The following HOMER2 variants were observed in gnomAD, a reference collection of about 807,000 sequenced individuals.
The protein encoded by HOMER2 is homer protein homolog 2.
Under a neutral mutation model 47.0 loss-of-function variants are expected in HOMER2, and 27 were observed. That is an observed-to-expected ratio of 0.57 (90% CI 0.42 to 0.79). The LOEUF (loss-of-function observed/expected upper bound fraction) is 0.79, where lower values mean the gene tolerates loss of function less well. HOMER2 is among the 30% of genes least tolerant of loss of function. HOMER2 has a pLI of 0.00. For synonymous variants in HOMER2, 161 were observed against 163.8 expected, an observed-to-expected ratio of 0.98 and a Z score of 0.13; for missense variants, 443 against 435.0, an observed-to-expected ratio of 1.02 and a Z score of -0.16.
chr15:82,978,896 T>C (rs1020431512), intron 1 of HOMER2, among the ~76,000 whole-genome samples: 1 of 152,196 alleles, frequency 6.6e-6, no homozygotes, highest in African/African-American at 2.4e-5. Context: ...AATTTTTGTA[T>C]TTTTAGTAGA....
intron 2 of HOMER2, among the ~76,000 whole-genome samples, chr15:82,876,994 C>T (rs1178773366): frequency 6.6e-6 from 1 of 152,162 alleles, no homozygotes; most frequent in African/African-American, 2.4e-5. Flanking sequence ...CAAGAGAAAA[C>T]CTTAGCTTAG....
intron 1 of HOMER2, among the ~76,000 whole-genome samples, chr15:82,901,101 A>T (rs781754596): frequency 7.2e-5 from 11 of 152,134 alleles, no homozygotes; most frequent in Admixed American, 2.0e-4. Context: ...TGTGAGTTTG[A>T]CTAAGTTCTG....
At chr15:82,926,868 C>T (rs2053865874) in intron 1 of HOMER2, among the ~76,000 whole-genome samples, 1 of 152,080 alleles carries the variant, frequency 6.6e-6, no homozygotes, top group Non-Finnish European at 1.5e-5. Context: ...ACAAGCAAGA[C>T]CCTCCCCAAA....
chr15:82,981,557 G>T (rs1254230861), intron 1 of HOMER2, among the ~76,000 whole-genome samples: 1 of 152,198 alleles, frequency 6.6e-6, no homozygotes, highest in Non-Finnish European at 1.5e-5. Context: ...AGATATTTGT[G>T]TATCTATAAT....
rs779170515 is a variant in HOMER2, at chr15:82,913,798, G to T, written c.6-20957C>A. On this transcript the variant is annotated intron_variant, in intron 1 of 8. Coordinates refer to ENST00000450735, the MANE Select transcript of HOMER2 (RefSeq NM_004839.4). The surrounding 1 kb of genome is among the most constrained non-coding windows in gnomAD (Gnocchi z 4.1). ...TCTTTTCTGGTCATTTATTTAAAAC[G>T]TGTACAGGGCTGTGGAAAACTGGTG... Among the ~76,000 whole-genome samples the T allele has an allele frequency of 2.0e-5, 3 of 152,106 alleles. No individual in the cohort carries two copies. Among genetic ancestry groups the T allele is most frequent in the African/African-American group, 7.2e-5 (3 of 41,408 alleles).
rs1325657232 is a variant in HOMER2 at position 82,967,473 on chromosome 15, T to G, written n.83-8165A>C. ...GTGGGGAAGTGGGTCAGGGTATAAA[T>G]GGAGTTAGTGTGGCCATGAGTTGCT... On this transcript the variant is annotated intron_variant and non_coding_transcript_variant, in intron 1 of 1. Coordinates refer to the HOMER2 transcript ENST00000500334. 1.3e-5 allele frequency among the ~76,000 whole-genome samples: 2 copies of G among 152,064 alleles called. 1 individual carries two copies. Among genetic ancestry groups the G allele is most frequent in the African/African-American group, 4.8e-5 (2 of 41,384 alleles).
rs764105618 is a variant in HOMER2 at position 82,859,129 on chromosome 15, T to A, written c.394A>T (p.Ser132Cys). Reference sequence around the variant, plus strand: ...TTTTCATCGTCCGTCCCGTTGACACTGGATGCCTGAGTAGAAGATGGGGTT... The same window carrying A: ...TTTTCATCGTCCGTCCCGTTGACACAGGATGCCTGAGTAGAAGATGGGGTT... ...ETSSNHSQAS[S>C]VNGTDDEKAS... Residue 132 changes from serine (S) to cysteine (C), a missense_variant, in exon 5 of 9, where the codon AGT becomes TGT. By Grantham distance (112) the Ser-to-Cys change is moderately radical. Coordinates refer to ENST00000450735, the MANE Select transcript of HOMER2 (RefSeq NM_004839.4). 29 of 1,613,872 alleles carry A rather than the reference T, an allele frequency of 1.8e-5. No individual in the cohort carries two copies. Among genetic ancestry groups the A allele is most frequent in the Non-Finnish European group, 2.3e-5 (27 of 1,179,892 alleles).
chr15:82,848,103 C>T (rs955620), downstream of HOMER2, among the ~76,000 whole-genome samples: 72,407 of 151,928 alleles, frequency 0.48, 17,900 homozygotes, highest in Non-Finnish European at 0.55. Context: ...CCTTCCCTTC[C>T]ATCCACATCC....
intron 1 of HOMER2, among the ~76,000 whole-genome samples, chr15:82,941,774 C>T (rs144092890): frequency 3.3e-5 from 5 of 152,284 alleles, no homozygotes; most frequent in Non-Finnish European, 7.4e-5. Flanking sequence ...TCACCTTCTA[C>T]TCCACATTCT....
chr15:82,975,797 A>G (rs1454886055), intron 1 of HOMER2, among the ~76,000 whole-genome samples: 1 of 152,226 alleles, frequency 6.6e-6, no homozygotes, highest in African/African-American at 2.4e-5. Context: ...ATTTGATAGC[A>G]CAACAGAGTG....
chr15:82,944,670 A>G (rs1353644053), intron 1 of HOMER2, among the ~76,000 whole-genome samples: 1 of 152,084 alleles, frequency 6.6e-6, no homozygotes, highest in Non-Finnish European at 1.5e-5. Flanking sequence ...TGTATCAAAG[A>G]GAAGTTCTTT....
At chr15:82,838,802 TC>T (rs1387643445) in exon 2 of HOMER2, 1 of 152,182 alleles carries the variant, frequency 6.6e-6, no homozygotes, top group African/African-American at 2.4e-5. Context: ...GGCTCAAAAA[TC>T]AACACTCACT....
downstream of HOMER2, chr15:82,844,600 A>C (rs1405579702): frequency 6.6e-6 from 1 of 152,238 alleles, no homozygotes; most frequent in East Asian, 1.9e-4. Flanking sequence ...CAGTGGTTAT[A>C]ATCAGATAGT....
intron 5 of HOMER2, among the ~76,000 whole-genome samples, chr15:82,858,109 G>T (rs1381435021): frequency 6.6e-6 from 1 of 152,002 alleles, no homozygotes; most frequent in African/African-American, 2.4e-5. Flanking sequence ...GCTTCACATA[G>T]ATCTTGTATA....
At chr15:82,853,128 C>T (rs1051091839) in intron 6 of HOMER2, among the ~76,000 whole-genome samples, 3 of 152,234 alleles carry the variant, frequency 2.0e-5, no homozygotes, top group African/African-American at 7.2e-5. Flanking sequence ...GTCTGAACTC[C>T]CAGCCCCTGC....
At chr15:82,875,178 T>C (rs1321342473) in intron 3 of HOMER2, 95 bp downstream of exon 3, 7 of 1,420,198 alleles carry the variant, frequency 4.9e-6, no homozygotes, top group Non-Finnish European at 4.8e-6. Flanking sequence ...CAGAAAGGAA[T>C]CCTGCTCACC....
downstream of HOMER2, among the ~76,000 whole-genome samples, chr15:82,848,467 G>A (rs573474564): frequency 2.2e-4 from 34 of 152,320 alleles, no homozygotes; most frequent in Non-Finnish European, 1.6e-4. Context: ...CCACAGGCCC[G>A]CTGGCCCCAC....
upstream of HOMER2, among the ~76,000 whole-genome samples, chr15:82,954,460 GTT>G (rs34974567): frequency 0.012 from 1,567 of 134,402 alleles, 9 homozygotes; most frequent in Non-Finnish European, 0.017. Flanking sequence ...ACCACGCCCA[GTT>G]TTTTTTTTTT....
At chr15:82,895,500 A>G (rs1180452552) in intron 1 of HOMER2, among the ~76,000 whole-genome samples, 1 of 152,218 alleles carries the variant, frequency 6.6e-6, no homozygotes, top group Non-Finnish European at 1.5e-5. Flanking sequence ...TATTTTGCTA[A>G]TCATCTAAGT....
Sources: gnomAD v4.1 joint callset for allele counts (sites outside exome capture counted in the v4.1 genomes callset) on GRCh38, gnomAD v4.1.1 for gene constraint, Gnocchi (gnomAD v3.1) non-coding constraint, MANE v1.5 for transcripts, NCBI Gene and HGNC (gene_info 2026-07-23, HGNC 2026-07-21) for gene names.